The following PTPN3 variants were observed in gnomAD, a reference collection of about 807,000 sequenced individuals.
PTPN3 encodes protein tyrosine phosphatase non-receptor type 3, also known as tyrosine-protein phosphatase non-receptor type 3.
PTPN3 carries 96 observed loss-of-function variants against 132.7 expected under a neutral mutation model. The observed-to-expected ratio is 0.72, with a 90% CI of 0.61 to 0.86. The LOEUF is 0.86. Among genes scored for constraint, PTPN3 ranks in the 40% least tolerant of loss-of-function variants. PTPN3 has a pLI of 0.00. For missense variants in PTPN3, 1,125 were observed against 1,159.6 expected (o/e 0.97, Z 0.43); for synonymous variants, 398 against 429.0 (o/e 0.93, Z 0.89).
intron 22 of PTPN3, among the ~76,000 whole-genome samples, chr9:109,384,136 G>A (rs564365228): frequency 1.3e-5 from 2 of 152,164 alleles, no homozygotes; most frequent in East Asian, 1.9e-4. Flanking sequence ...CTGCCTCAAC[G>A]CTGGTGAGGC....
chr9:109,391,920 A>T (rs1203937187), intron 19 of PTPN3, among the ~76,000 whole-genome samples: 1 of 150,772 alleles, frequency 6.6e-6, no homozygotes, highest in East Asian at 1.9e-4. Flanking sequence ...AAATCATCTA[A>T]ATTAGTCTAG....
chr9:109,470,553 G>A (rs952418072), intron 1 of PTPN3, among the ~76,000 whole-genome samples: 32 of 151,602 alleles, frequency 2.1e-4, no homozygotes, highest in African/African-American at 7.5e-4. Context: ...AAAATTAGCT[G>A]CATGTGGTGG....
In PTPN3 at chr9:109,454,548, GA is replaced by G. The variant is rs1564458028; in HGVS notation, c.315del (p.Arg106GlufsTer2). ...GGATCAGGTATAAAAAATCTTACTC[GA>G]AAATGCAGGGTACAGGGGAAACCTC... is the stretch of plus-strand genomic sequence containing the variant. ...LKGGFPCTLH[F>X]RVRFFIPDPN... On this transcript the variant is annotated frameshift_variant, in exon 5 of 26. Transcript: ENST00000374541. LOFTEE classifies it high-confidence loss of function. 1 of 1,613,476 alleles carries G rather than the reference GA, an allele frequency of 6.2e-7. No individual in the cohort carries two copies.
intron 6 of PTPN3, among the ~76,000 whole-genome samples, chr9:109,446,932 T>C (rs994654384): frequency 2.9e-5 from 4 of 138,360 alleles, no homozygotes; most frequent in East Asian, 3.7e-4. Flanking sequence ...CCGGCTACCA[T>C]GGACGGCTCA....
chr9:109,537,389 C>T, the PTPN3 span, among the ~76,000 whole-genome samples: 2 of 152,122 alleles, frequency 1.3e-5, no homozygotes, highest in African/African-American at 2.4e-5. Context: ...TTTTATTTTC[C>T]TAGCTGAACG....
At chr9:109,428,588 C>G in intron 11 of PTPN3, 33 bp downstream of exon 11, 2 of 1,604,242 alleles carry the variant, frequency 1.2e-6, no homozygotes, top group East Asian at 2.2e-5. Context: ...TACATATGCA[C>G]GAAACAAAGC....
chr9:109,500,310 C>A (rs895766454), upstream of PTPN3, among the ~76,000 whole-genome samples: 35 of 152,126 alleles, frequency 2.3e-4, no homozygotes, highest in Admixed American at 1.3e-4. Context: ...ATCTGCTGAC[C>A]CCTAGACTGA....
the PTPN3 span, among the ~76,000 whole-genome samples, chr9:109,531,195 C>G: frequency 1.3e-5 from 2 of 152,172 alleles, no homozygotes; most frequent in Admixed American, 6.5e-5. Context: ...GATGTCATCT[C>G]GATCTAACCC....
At chr9:109,427,171 G>A (rs1254959208) in intron 11 of PTPN3, 49 bp from the exon 12 acceptor site, 1 of 1,584,090 alleles carries the variant, frequency 6.3e-7, no homozygotes, top group Non-Finnish European at 8.6e-7. Context: ...ATAGGAGCAG[G>A]GACTTGTAAG....
chr9:109,493,796 G>A (rs542373629), intron 1 of PTPN3, among the ~76,000 whole-genome samples: 48 of 152,322 alleles, frequency 3.2e-4, no homozygotes, highest in African/African-American at 1.1e-3. Context: ...AAGGCAGCCA[G>A]GGGGAGGCCG....
At chr9:109,404,296 C>T (rs527984753) in intron 19 of PTPN3, 152 bp downstream of exon 19, 1 of 533,746 alleles carries the variant, frequency 1.9e-6, no homozygotes, top group South Asian at 8.5e-5. Flanking sequence ...TCCTCAGAGA[C>T]TCAGTTGACT....
chr9:109,446,305 T>G (rs567745058), intron 6 of PTPN3, among the ~76,000 whole-genome samples: 1 of 152,310 alleles, frequency 6.6e-6, no homozygotes, highest in East Asian at 1.9e-4. Flanking sequence ...ACCCAAGATG[T>G]GAACCACTCC....
rs895666334 is a variant in PTPN3 at position 109,450,035 on chromosome 9, G to A, written c.369-1180C>T. 4.1e-6 allele frequency: 4 copies of A among 982,342 alleles called. No individual in the cohort carries two copies. In the South Asian group the frequency reaches 1.9e-4, roughly 46 times the overall value. The allele number at this position is 982,342 out of a possible 1,614,324, so 60.9% of individuals were successfully genotyped here. On this transcript the variant is annotated intron_variant, in intron 5 of 25. Coordinates refer to ENST00000374541, the MANE Select transcript of PTPN3 (RefSeq NM_002829.4). ...CAAAATCGGAGCTCAGATAGGATAT[G>A]TGAGGTCAATTGTGTCTTATTTTAA...
intron 6 of PTPN3, among the ~76,000 whole-genome samples, chr9:109,446,175 G>A (rs900730114): frequency 1.3e-5 from 2 of 152,184 alleles, no homozygotes; most frequent in Admixed American, 1.3e-4. Context: ...AGGGTGGGGA[G>A]GTCTCTGATA....
At chr9:109,532,868 A>AATG in the PTPN3 span, 2 of 1,130,856 alleles carry the variant, frequency 1.8e-6, no homozygotes, top group East Asian at 3.5e-5. Context: ...GGAGCGGACT[A>AATG]ATTCTCAATT....
chr9:109,528,792 CCTT>C, the PTPN3 span, among the ~76,000 whole-genome samples: 7 of 152,128 alleles, frequency 4.6e-5, no homozygotes, highest in Non-Finnish European at 7.4e-5. Flanking sequence ...TCCTCCTCCT[CCTT>C]CTTCCTTGTG....
At chr9:109,494,728 A>T (rs1270905223) in intron 1 of PTPN3, among the ~76,000 whole-genome samples, 1 of 152,100 alleles carries the variant, frequency 6.6e-6, no homozygotes, top group African/African-American at 2.4e-5. Context: ...GGACAGATGG[A>T]TGGGGACGCA....
At chr9:109,534,330 C>G in the PTPN3 span, 9 of 1,519,796 alleles carry the variant, frequency 5.9e-6, no homozygotes, top group South Asian at 1.1e-4. Flanking sequence ...CCTCGCTGCT[C>G]AAGGTTGTGG....
chr9:109,508,140 A>G, the PTPN3 span, among the ~76,000 whole-genome samples: 2 of 150,458 alleles, frequency 1.3e-5, no homozygotes, highest in South Asian at 4.2e-4. Flanking sequence ...TGCACCAGAG[A>G]GTATTTGATC....
Sources: allele counts gnomAD v4.1 joint callset (sites outside exome capture counted in the v4.1 genomes callset), GRCh38; gene constraint gnomAD v4.1.1; transcripts MANE v1.5; gene names NCBI Gene and HGNC (gene_info 2026-07-23, HGNC 2026-07-21).